DSCAM: variants seen among roughly 807,000 people sequenced by gnomAD.
The protein encoded by DSCAM is DS cell adhesion molecule.
In DSCAM, 47 loss-of-function variants were observed where a neutral mutation model predicts 217.7. The ratio of observed to expected loss-of-function variants is 0.22; its 90% CI spans 0.17 to 0.28. The LOEUF is 0.28. Among genes scored for constraint, DSCAM ranks in the 10% least tolerant of loss-of-function variants. The pLI is 1.00. For synonymous variants in DSCAM, 1,056 were observed against 1,015.3 expected, an observed-to-expected ratio of 1.04 and a Z score of -0.76; for missense variants, 2,080 against 2,618.3, an observed-to-expected ratio of 0.79 and a Z score of 4.49.
intron 20 of DSCAM, among the ~76,000 whole-genome samples, chr21:40,099,101 G>A (rs1208765420): frequency 2.6e-5 from 4 of 152,128 alleles, no homozygotes; most frequent in Non-Finnish European, 5.9e-5. Context: ...TGAACATTAA[G>A]CATCAGGAAA....
At chr21:40,818,292 A>G (rs2091899516) in intron 1 of DSCAM, among the ~76,000 whole-genome samples, 1 of 151,324 alleles carries the variant, frequency 6.6e-6, no homozygotes, top group Non-Finnish European at 1.5e-5. Flanking sequence ...CACGCCTGTA[A>G]TCCCAGCACT....
At chr21:40,551,052 G>C (rs893777962) in intron 3 of DSCAM, among the ~76,000 whole-genome samples, 2 of 152,152 alleles carry the variant, frequency 1.3e-5, no homozygotes, top group Non-Finnish European at 2.9e-5. Context: ...AAAAAGTGTA[G>C]TGTTAATGAA....
chr21:40,304,845 T>C (rs1459997497), intron 9 of DSCAM, among the ~76,000 whole-genome samples: 1 of 152,118 alleles, frequency 6.6e-6, no homozygotes, highest in Non-Finnish European at 1.5e-5. Context: ...AAGTTTGCCA[T>C]CTCATATGGC....
At chr21:40,563,561 AT>A (rs2076737977) in intron 3 of DSCAM, among the ~76,000 whole-genome samples, 1 of 125,692 alleles carries the variant, frequency 8.0e-6, no homozygotes, top group Non-Finnish European at 1.7e-5. Flanking sequence ...ATATGTTTAT[AT>A]GTTTATATAT....
At chr21:40,175,389 T>C (rs1368018588) in intron 15 of DSCAM, among the ~76,000 whole-genome samples, 2 of 152,178 alleles carry the variant, frequency 1.3e-5, no homozygotes, top group African/African-American at 4.8e-5. Flanking sequence ...GTTGGGATTA[T>C]AGGCGTGAAC....
chr21:40,468,085 G>A (rs1010576932), intron 3 of DSCAM, among the ~76,000 whole-genome samples: 1 of 152,164 alleles, frequency 6.6e-6, no homozygotes, highest in Non-Finnish European at 1.5e-5. Flanking sequence ...GCGGGACGAA[G>A]GACAGAACTC....
intron 3 of DSCAM, among the ~76,000 whole-genome samples, chr21:40,561,539 T>C (rs960532127): frequency 6.6e-6 from 1 of 152,228 alleles, no homozygotes; most frequent in Non-Finnish European, 1.5e-5. Context: ...ATGATCATCC[T>C]TTAGCTTCTG....
chr21:40,400,513 T>C (rs930617175), intron 3 of DSCAM, among the ~76,000 whole-genome samples: 8 of 152,118 alleles, frequency 5.3e-5, no homozygotes, highest in African/African-American at 1.9e-4. Context: ...TTTTTTTCTT[T>C]CTTTCTTTTT....
At chr21:40,324,684 G>T (rs145772482) in intron 8 of DSCAM, among the ~76,000 whole-genome samples, 1 of 152,106 alleles carries the variant, frequency 6.6e-6, no homozygotes, top group Non-Finnish European at 1.5e-5. Flanking sequence ...GTCTGAGCAG[G>T]ATGACAGGTT....
intron 18 of DSCAM, among the ~76,000 whole-genome samples, chr21:40,137,178 GAAAAAAAAAA>G (rs34652896): frequency 1.6e-5 from 1 of 64,514 alleles, no homozygotes; most frequent in Admixed American, 2.2e-4. Flanking sequence ...CTGTCTCAAG[GAAAAAAAAAA>G]AAAAAAAAAA....
intron 6 of DSCAM, among the ~76,000 whole-genome samples, chr21:40,344,826 T>C (rs535482721): frequency 1.3e-5 from 2 of 152,308 alleles, no homozygotes; most frequent in South Asian, 4.1e-4. Context: ...TCGATAAAAC[T>C]AAGGTCATTA....
Position 40,338,203 on chromosome 21 carries a change from G to A in DSCAM, c.1681C>T (p.Leu561Phe). Residue 561 changes from leucine to phenylalanine, a missense_variant, in exon 8 of 33, where the codon CTT (leucine) becomes TTT (phenylalanine). Around this residue, in one of 5 missense-constraint regions of DSCAM, gnomAD observed 218 missense variants for 364.1 expected, o/e 0.60. Transcript: ENST00000400454. ...VAFENNGTLK[L>F]SDVQKEVDEG... The stretch of plus-strand genomic sequence containing the variant: ...TCCACTTCCTTTTGCACATCTGAAA[G>A]TTTAAGAGTTCCATTGTTCTCAAAT... 1 of 1,614,240 alleles carries A rather than the reference G, an allele frequency of 6.2e-7. No homozygotes were observed. The highest frequency in any genetic ancestry group is 8.5e-7 in the Non-Finnish European group (1 of 1,180,036).
intron 3 of DSCAM, among the ~76,000 whole-genome samples, chr21:40,395,337 ATT>A (rs569318254): frequency 2.8e-5 from 4 of 145,286 alleles, no homozygotes; most frequent in African/African-American, 1.0e-4. Flanking sequence ...TTCCTTCTGT[ATT>A]TTTTTTTTTC....
rs2074464827 is a variant in DSCAM, at chr21:40,339,414, A to C, written c.1212T>G (p.Asp404Glu). 1 of 1,595,010 alleles carries C rather than the reference A, an allele frequency of 6.3e-7. No individual in the cohort carries two copies. The highest frequency in any genetic ancestry group is 1.3e-5 in the African/African-American group (1 of 74,520). The change falls in exon 7 of 33, where the codon GAT (aspartate) becomes GAG (glutamate). Residue 404 changes from aspartate to glutamate, a missense_variant and splice_region_variant. Physicochemically the swap from Asp to Glu is conservative, Grantham distance 45. Coordinates refer to ENST00000400454, the MANE Select transcript of DSCAM (RefSeq NM_001389.5). Reference sequence around the variant, plus strand: ...AGGCAGAAATAATTTTGGGAGTTCCATCTGCAGGAAAACAAATTATGGAAG... The same window carrying C: ...AGGCAGAAATAATTTTGGGAGTTCCCTCTGCAGGAAAACAAATTATGGAAG... ...AQDYVQVVLE[D>E]GTPKIISAFS...
intron 15 of DSCAM, among the ~76,000 whole-genome samples, chr21:40,170,515 A>G (rs2090645313): frequency 1.3e-5 from 2 of 152,174 alleles, no homozygotes; most frequent in Non-Finnish European, 2.9e-5. Flanking sequence ...CTGAAGTTAA[A>G]GTCCAGAACA....
At chr21:40,636,299 G>C (rs2089757620) in intron 3 of DSCAM, among the ~76,000 whole-genome samples, 1 of 151,982 alleles carries the variant, frequency 6.6e-6, no homozygotes, top group Admixed American at 6.6e-5. Context: ...CGGGGGCTTA[G>C]AATGAAGATT....
rs562116028 is a variant in DSCAM at position 40,109,882 on chromosome 21, C to A, written c.3696+14313G>T. Among the ~76,000 whole-genome samples, 526 of 152,284 alleles carry A rather than the reference C, an allele frequency of 3.5e-3. 6 individuals carry two copies. The highest frequency in any genetic ancestry group is 0.012 in the African/African-American group (503 of 41,554). On this transcript the variant is annotated intron_variant, in intron 20 of 32. Transcript: ENST00000400454. ...GTGAAGCTGGGGGAGGGGCGCCCAC[C>A]ATTGCGGAGGCTTGAGTAGGTAAAC...
chr21:40,228,626 C>T (rs567432270), intron 11 of DSCAM, among the ~76,000 whole-genome samples: 2 of 150,820 alleles, frequency 1.3e-5, no homozygotes, highest in South Asian at 4.2e-4. Context: ...TCCTTTCTTT[C>T]CCCCTCCACC....
chr21:40,843,343 A>T (rs1334818150), intron 1 of DSCAM, among the ~76,000 whole-genome samples: 2 of 150,580 alleles, frequency 1.3e-5, no homozygotes, highest in Non-Finnish European at 2.9e-5. Context: ...ACAGCTCAGG[A>T]AAAGATGATG....
Sources: gnomAD v4.1 joint callset for allele counts (sites outside exome capture counted in the v4.1 genomes callset) on GRCh38, gnomAD v4.1.1 for gene constraint, gnomAD v4.1.1 regional missense constraint, MANE v1.5 for transcripts, NCBI Gene and HGNC (gene_info 2026-07-23, HGNC 2026-07-21) for gene names.